Variants in CADPS2 observed in about 807,000 individuals in gnomAD.
CADPS2 encodes calcium-dependent secretion activator 2.
Under a neutral mutation model 172.5 loss-of-function variants are expected in CADPS2, and 93 were observed. The ratio of observed to expected loss-of-function variants is 0.54; its 90% CI spans 0.46 to 0.64. CADPS2 has a LOEUF of 0.64. Among genes scored for constraint, CADPS2 ranks in the 30% least tolerant of loss-of-function variants. CADPS2 has a pLI of 0.00. For synonymous variants in CADPS2, 546 were observed against 555.2 expected (o/e 0.98, Z 0.23); for missense variants, 1,420 against 1,565.9 (o/e 0.91, Z 1.57).
At chr7:122,386,344 T>C in intron 24 of CADPS2, 1 of 1,336,316 alleles carries the variant, frequency 7.5e-7, no homozygotes, top group Non-Finnish European at 9.9e-7. Flanking sequence ...AAAAAGATGA[T>C]GAAAGAGAAC....
rs367996976 is a variant in CADPS2 at position 122,480,847 on chromosome 7, C to G, written c.1861+5G>C. 2 of 1,517,234 alleles carry G rather than the reference C, an allele frequency of 1.3e-6. No individual in the cohort carries two copies. Among genetic ancestry groups the G allele is most frequent in the South Asian group, 1.2e-5 (1 of 80,412 alleles). 94.0% of individuals were successfully genotyped at this position (1,517,234 alleles called of 1,614,324 possible). The stretch of plus-strand genomic sequence containing the variant: ...TCTAATTTTAAAAATCATGAAAATA[C>G]TTACCTTTACCAGCTACAGGTCAGC... On this transcript the variant is annotated splice_donor_5th_base_variant and intron_variant, in intron 12 of 29. Coordinates refer to ENST00000449022, the MANE Select transcript of CADPS2 (RefSeq NM_017954.11).
intron 2 of CADPS2, among the ~76,000 whole-genome samples, chr7:122,669,416 C>T (rs1453384635): frequency 6.7e-6 from 1 of 149,444 alleles, no homozygotes. Flanking sequence ...CAGAGATAAA[C>T]AGGAGGATTA....
chr7:122,611,379 G>A (rs1158539622), intron 6 of CADPS2, among the ~76,000 whole-genome samples: 1 of 151,944 alleles, frequency 6.6e-6, no homozygotes, highest in East Asian at 1.9e-4. Context: ...CATTATTACT[G>A]ACCTTATAGA....
intron 14 of CADPS2, among the ~76,000 whole-genome samples, chr7:122,456,224 C>T (rs73717653): frequency 0.013 from 2,033 of 151,978 alleles, 43 homozygotes; most frequent in African/African-American, 0.046. Context: ...TATAAATAAA[C>T]ATAATAATCC....
chr7:122,561,307 C>T (rs1310017006), intron 7 of CADPS2, among the ~76,000 whole-genome samples: 1 of 150,810 alleles, frequency 6.6e-6, no homozygotes, highest in East Asian at 2.0e-4. Context: ...GAGAACCACA[C>T]ACCACATCTC....
At chr7:122,878,448 C>T (rs969697340) in intron 1 of CADPS2, among the ~76,000 whole-genome samples, 3 of 151,310 alleles carry the variant, frequency 2.0e-5, no homozygotes, top group Non-Finnish European at 4.4e-5. Flanking sequence ...GTCAGGAGAT[C>T]GAGACCATGG....
intron 2 of CADPS2, among the ~76,000 whole-genome samples, chr7:122,734,356 T>TGAAAAAAAAAAAAA (rs2091942285): frequency 2.2e-5 from 1 of 46,294 alleles, no homozygotes; most frequent in Non-Finnish European, 3.7e-5. Flanking sequence ...CCAGAAATAG[T>TGAAAAAAAAAAAAA]AAAAAAAAAA....
At chr7:122,448,256 T>G (rs1169436743) in intron 15 of CADPS2, among the ~76,000 whole-genome samples, 1 of 152,186 alleles carries the variant, frequency 6.6e-6, no homozygotes, top group Non-Finnish European at 1.5e-5. Flanking sequence ...TCCTTAAGTT[T>G]CTGAAAATTC....
intron 3 of CADPS2, among the ~76,000 whole-genome samples, chr7:122,646,777 A>G (rs2078605919): frequency 6.6e-6 from 1 of 152,140 alleles, no homozygotes; most frequent in South Asian, 2.1e-4. Context: ...AGGTGCTTCA[A>G]TGATGTTTAT....
intron 7 of CADPS2, among the ~76,000 whole-genome samples, chr7:122,576,907 C>T (rs2068122509): frequency 6.6e-6 from 1 of 151,700 alleles, no homozygotes; most frequent in Non-Finnish European, 1.5e-5. Flanking sequence ...TTACAGGTGC[C>T]CACCACCACG....
chr7:122,678,200 C>CA (rs1448055651), intron 2 of CADPS2, among the ~76,000 whole-genome samples: 1 of 152,162 alleles, frequency 6.6e-6, no homozygotes, highest in Non-Finnish European at 1.5e-5. Flanking sequence ...AAAGAAAATA[C>CA]AAGGACTTCA....
chr7:122,663,159 A>G (rs1020665656), intron 3 of CADPS2, 78 bp downstream of exon 3: 4 of 1,047,168 alleles, frequency 3.8e-6, no homozygotes, highest in Non-Finnish European at 5.5e-6. Flanking sequence ...AGTAAAGGAC[A>G]TCTTCATAGG....
intron 13 of CADPS2, among the ~76,000 whole-genome samples, chr7:122,472,140 T>C (rs992764058): frequency 2.6e-5 from 4 of 152,198 alleles, no homozygotes; most frequent in Non-Finnish European, 5.9e-5. Flanking sequence ...TGTGTGTGCA[T>C]GCATGCCACC....
intron 1 of CADPS2, among the ~76,000 whole-genome samples, chr7:122,750,905 A>G (rs2092926538): frequency 6.6e-6 from 1 of 152,178 alleles, no homozygotes; most frequent in Non-Finnish European, 1.5e-5. Flanking sequence ...GAGTTAAGAA[A>G]TCTACTAAAA....
chr7:122,426,452 A>ATGTG (rs3840625), intron 17 of CADPS2, among the ~76,000 whole-genome samples: 61,632 of 151,598 alleles, frequency 0.41, 12,605 homozygotes, highest in African/African-American at 0.45. Context: ...TAAAATATAA[A>ATGTG]TGTGTGTCTT....
rs1453302914 is a variant in CADPS2 at position 122,589,298 on chromosome 7, CAA to C, written c.1224-8010_1224-8009del. 2.0e-5 allele frequency among the ~76,000 whole-genome samples: 3 copies of C among 151,704 alleles called. No individual in the cohort carries two copies. The East Asian group carries it at 5.8e-4, about 29-fold the overall frequency. ...TCTGAAAATTGGGAATTAAGTTTAA[CAA>C]GAGAGAAATACAAAAAGCCTGATTA... is the stretch of plus-strand genomic sequence containing the variant. On this transcript the variant is annotated intron_variant, in intron 6 of 29. Coordinates refer to ENST00000449022, the MANE Select transcript of CADPS2 (RefSeq NM_017954.11).
intron 1 of CADPS2, among the ~76,000 whole-genome samples, chr7:122,767,400 A>C (rs1431065331): frequency 6.6e-6 from 1 of 152,154 alleles, no homozygotes; most frequent in Non-Finnish European, 1.5e-5. Context: ...GCTTGGTTCC[A>C]AAGGCTATGC....
At chr7:122,530,168 GAAC>G (rs1050742167) in intron 8 of CADPS2, among the ~76,000 whole-genome samples, 1 of 151,988 alleles carries the variant, frequency 6.6e-6, no homozygotes. Context: ...TCAGACAGAT[GAAC>G]ACAGGTGAGT....
intron 8 of CADPS2, among the ~76,000 whole-genome samples, chr7:122,520,124 G>T (rs955839071): frequency 6.6e-6 from 1 of 151,962 alleles, no homozygotes. Context: ...AAATCCATCA[G>T]AATGTTCCGT....
Sources: gnomAD v4.1 joint callset for allele counts (sites outside exome capture counted in the v4.1 genomes callset) on GRCh38, gnomAD v4.1.1 for gene constraint, MANE v1.5 for transcripts, NCBI Gene and HGNC (gene_info 2026-07-23, HGNC 2026-07-21) for gene names.